The following TAFA2 variants were observed in gnomAD, a reference collection of about 807,000 sequenced individuals.
TAFA2 encodes chemokine-like protein TAFA-2.
TAFA2 carries 7 observed loss-of-function variants against 18.8 expected under a neutral mutation model. The ratio of observed to expected loss-of-function variants is 0.37; its 90% CI spans 0.21 to 0.70. The LOEUF is 0.70. Among genes scored for constraint, TAFA2 ranks in the 30% least tolerant of loss-of-function variants. The pLI is 0.53. For synonymous variants in TAFA2, 60 were observed against 54.2 expected (o/e 1.11, Z -0.47); for missense variants, 122 against 158.1 (o/e 0.77, Z 1.23).
upstream of TAFA2, among the ~76,000 whole-genome samples, chr12:62,194,921 T>G (rs58819787): frequency 0.01 from 1,535 of 152,342 alleles, 20 homozygotes; most frequent in African/African-American, 0.03. Flanking sequence ...CTTAAAAATG[T>G]ACATATCTTA....
chr12:62,063,608 T>C (rs939838338), intron 1 of TAFA2, among the ~76,000 whole-genome samples: 4 of 152,150 alleles, frequency 2.6e-5, no homozygotes, highest in African/African-American at 9.7e-5. Flanking sequence ...TTAACCAAAT[T>C]ATATTTTGCT....
intron 1 of TAFA2, among the ~76,000 whole-genome samples, chr12:62,165,138 A>G (rs1482552834): frequency 2.0e-5 from 3 of 151,944 alleles, no homozygotes; most frequent in Admixed American, 2.0e-4. Flanking sequence ...CAGATAGCAA[A>G]CCTTCTCAGT....
chr12:62,100,641 A>G (rs1042482067), intron 1 of TAFA2, among the ~76,000 whole-genome samples: 9 of 152,176 alleles, frequency 5.9e-5, no homozygotes, highest in Admixed American at 1.3e-4. Context: ...AGACCTTTCT[A>G]TAACAATGAA....
intron 1 of TAFA2, among the ~76,000 whole-genome samples, chr12:61,936,914 C>A (rs1319738463): frequency 2.0e-5 from 3 of 152,088 alleles, no homozygotes; most frequent in Non-Finnish European, 2.9e-5. Context: ...ATACCTAGGA[C>A]ACCCTAAAGA....
chr12:61,873,635 T>G (rs1346088831), intron 1 of TAFA2, among the ~76,000 whole-genome samples: 4 of 152,170 alleles, frequency 2.6e-5, no homozygotes, highest in African/African-American at 9.6e-5. Flanking sequence ...TTATAGAAAT[T>G]AAATGTATCC....
At chr12:61,913,695 T>G (rs185730251) in intron 1 of TAFA2, among the ~76,000 whole-genome samples, 168 of 152,280 alleles carry the variant, frequency 1.1e-3, no homozygotes, top group Middle Eastern at 0.01. Context: ...GGTAATTTAA[T>G]TACTGAGAAA....
rs541643611 is a variant in TAFA2, at chr12:61,965,407, G to C, written c.-1-97981C>G. Among the ~76,000 whole-genome samples the C allele has an allele frequency of 4.6e-5, 7 of 151,982 alleles. No homozygotes were observed. In the South Asian group the frequency reaches 1.5e-3, roughly 32 times the overall value. Reference sequence around the variant, plus strand: ...TATTGTTTATAAGCTACCCAGCCACGATATTTTGTTATAGCAACCTGATAG... The same window carrying C: ...TATTGTTTATAAGCTACCCAGCCACCATATTTTGTTATAGCAACCTGATAG... On this transcript the variant is annotated intron_variant, in intron 1 of 4. Coordinates refer to ENST00000416284, the MANE Select transcript of TAFA2 (RefSeq NM_178539.5).
At chr12:61,811,893 A>G (rs1376023701) in intron 2 of TAFA2, among the ~76,000 whole-genome samples, 1 of 151,566 alleles carries the variant, frequency 6.6e-6, no homozygotes, top group East Asian at 1.9e-4. Flanking sequence ...TTTATGAAGC[A>G]GATAACAGAA....
intron 1 of TAFA2, among the ~76,000 whole-genome samples, chr12:61,874,356 GT>G (rs1377565716): frequency 6.6e-6 from 1 of 152,124 alleles, no homozygotes; most frequent in African/African-American, 2.4e-5. Context: ...ATGTATCAGT[GT>G]TTTGTAATGA....
At chr12:61,729,722 C>A (rs1231859039) in intron 4 of TAFA2, among the ~76,000 whole-genome samples, 1 of 151,996 alleles carries the variant, frequency 6.6e-6, no homozygotes, top group Non-Finnish European at 1.5e-5. Flanking sequence ...CTTTTTCTGG[C>A]AATTCAGAGA....
rs552577086 is a variant in TAFA2, at chr12:61,774,368, G to A, written c.107-19344C>T. 6.6e-5 allele frequency among the ~76,000 whole-genome samples: 10 copies of A among 151,856 alleles called. No homozygotes were observed. In the East Asian group the frequency reaches 1.2e-3, roughly 18 times the overall value. ...AGAAGTCATTATACAAAAAAGATAC[G>A]TGCACATGCATGTTTATAGCAGCAC... is the stretch of plus-strand genomic sequence containing the variant. On this transcript the variant is annotated intron_variant, in intron 2 of 4. Transcript: ENST00000416284.
Position 62,149,370 on chromosome 12 carries a change from T to C in TAFA2, c.-2+41889A>G, listed in dbSNP as rs373789446. Among the ~76,000 whole-genome samples, 3 of 152,130 alleles carry C rather than the reference T, an allele frequency of 2.0e-5. No homozygotes were observed. In the East Asian group the frequency reaches 5.8e-4, roughly 29 times the overall value. On this transcript the variant is annotated intron_variant, in intron 1 of 4. Coordinates refer to ENST00000416284, the MANE Select transcript of TAFA2 (RefSeq NM_178539.5). ...AGCCTGGGGTTCCTCAGAGGTATCA[T>C]AGGAGCTTTCACAGAGGGGGGAAAT... is the stretch of plus-strand genomic sequence containing the variant.
intron 1 of TAFA2, chr12:62,253,321 C>T (rs1449174808): frequency 2.0e-5 from 3 of 152,226 alleles, no homozygotes; most frequent in Non-Finnish European, 2.9e-5. Flanking sequence ...GGTCCATCCA[C>T]ATACTTTCTC....
chr12:62,157,741 C>A (rs2062380996), intron 1 of TAFA2, among the ~76,000 whole-genome samples: 1 of 152,180 alleles, frequency 6.6e-6, no homozygotes, highest in Non-Finnish European at 1.5e-5. Flanking sequence ...ATCCTCCAGC[C>A]CCTCCTTCCC....
At chr12:61,735,663 T>C (rs1868292362) in intron 4 of TAFA2, among the ~76,000 whole-genome samples, 1 of 152,030 alleles carries the variant, frequency 6.6e-6, no homozygotes, top group African/African-American at 2.4e-5. Context: ...TTCTTTTGTA[T>C]AGTTTTTATT....
chr12:61,772,346 G>A (rs1255426654), intron 2 of TAFA2, among the ~76,000 whole-genome samples: 1 of 151,762 alleles, frequency 6.6e-6, no homozygotes, highest in Non-Finnish European at 1.5e-5. Flanking sequence ...CCAAAACATA[G>A]AAAAAGAGGG....
chr12:62,039,826 T>C (rs1358806453), intron 1 of TAFA2, among the ~76,000 whole-genome samples: 1 of 152,170 alleles, frequency 6.6e-6, no homozygotes, highest in Non-Finnish European at 1.5e-5. Flanking sequence ...ACGATTCACC[T>C]GGAGAACAGA....
At chr12:62,036,630 T>C (rs1209976397) in intron 1 of TAFA2, among the ~76,000 whole-genome samples, 1 of 152,252 alleles carries the variant, frequency 6.6e-6, no homozygotes, top group Non-Finnish European at 1.5e-5. Flanking sequence ...AGAATTCTAA[T>C]ATGCTTATTA....
At chr12:62,104,726 G>A (rs1256928856) in intron 1 of TAFA2, 17 of 455,180 alleles carry the variant, frequency 3.7e-5, no homozygotes, top group Non-Finnish European at 4.9e-5. Flanking sequence ...TGTCATGCAC[G>A]CTTCATCCTA....
Sources: gnomAD v4.1 joint callset for allele counts (sites outside exome capture counted in the v4.1 genomes callset) on GRCh38, gnomAD v4.1.1 for gene constraint, MANE v1.5 for transcripts, NCBI Gene and HGNC (gene_info 2026-07-23, HGNC 2026-07-21) for gene names.